Variants in LRRC4C observed in about 807,000 individuals in gnomAD.
LRRC4C encodes leucine-rich repeat-containing protein 4C.
LRRC4C carries 5 observed loss-of-function variants against 33.6 expected under a neutral mutation model. The ratio of observed to expected loss-of-function variants is 0.15; its 90% confidence interval spans 0.08 to 0.31. LRRC4C has a LOEUF of 0.31. Ranked by LOEUF, LRRC4C falls within the 10% of genes least tolerant of loss-of-function variation. The probability of loss-of-function intolerance (pLI) is 1.00; values close to 1 mark genes in which losing one functional copy is unlikely to be tolerated. For missense variants in LRRC4C, 560 were observed against 796.7 expected (o/e 0.70, Z 3.58); for synonymous variants, 329 against 302.0 (o/e 1.09, Z -0.93).
Position 40,220,682 on chromosome 11 carries a change from T to C in LRRC4C, c.-96+20837A>G, listed in dbSNP as rs537752716. 3.3e-4 allele frequency among the ~76,000 whole-genome samples: 51 copies of C among 152,262 alleles called. 1 individual carries two copies. In the South Asian group the frequency reaches 0.011, roughly 32 times the overall value. ...GCTAATAAATTCATTTTTTTAACTT[T>C]TGAAGACCTGAGTTTTTAAAATAAT... On this transcript the variant is annotated intron_variant, in intron 5 of 6. Transcript: ENST00000528697.
At chr11:41,309,361 TGAA>T (rs1402601062) in intron 1 of LRRC4C, among the ~76,000 whole-genome samples, 1 of 152,196 alleles carries the variant, frequency 6.6e-6, no homozygotes, top group East Asian at 1.9e-4. Context: ...CTGAGGATGG[TGAA>T]GAAGATAGCA....
Position 40,926,293 on chromosome 11 carries a change from C to A in LRRC4C, c.-407+7342G>T, listed in dbSNP as rs2136414494. Reference sequence around the variant, plus strand: ...CCATGTTGTACATGATGTCCTCCTCCCTAATTTGTGCTCAGTAGACATGAT... The same window carrying A: ...CCATGTTGTACATGATGTCCTCCTCACTAATTTGTGCTCAGTAGACATGAT... On this transcript the variant is annotated intron_variant, in intron 2 of 6. Coordinates refer to ENST00000528697, the MANE Select transcript of LRRC4C (RefSeq NM_001258419.2). Among the ~76,000 whole-genome samples, 5 of 152,140 alleles carry A rather than the reference C, an allele frequency of 3.3e-5. 1 individual carries two copies. In the Middle Eastern group the frequency reaches 0.01, roughly 310 times the overall value.
intron 1 of LRRC4C, among the ~76,000 whole-genome samples, chr11:41,351,347 A>G (rs1485391673): frequency 1.3e-5 from 2 of 152,190 alleles, no homozygotes; most frequent in South Asian, 2.1e-4. Flanking sequence ...GGAATTATAT[A>G]AAGACCAAAC....
intron 5 of LRRC4C, among the ~76,000 whole-genome samples, chr11:40,208,923 C>A (rs1863363110): frequency 6.7e-6 from 1 of 149,418 alleles, no homozygotes; most frequent in Non-Finnish European, 1.5e-5. Context: ...GTCAAATGCT[C>A]CAAATCAGGG....
At chr11:40,150,001 GA>G (rs1209847313) in intron 5 of LRRC4C, among the ~76,000 whole-genome samples, 3 of 152,168 alleles carry the variant, frequency 2.0e-5, no homozygotes, top group African/African-American at 7.2e-5. Flanking sequence ...GTCTGAAACT[GA>G]GATGCTGCCA....
At chr11:40,629,878 C>T (rs1320157677) in intron 3 of LRRC4C, among the ~76,000 whole-genome samples, 2 of 152,050 alleles carry the variant, frequency 1.3e-5, no homozygotes, top group Admixed American at 1.3e-4. Flanking sequence ...CATGGACATA[C>T]AGATAGATAT....
At chr11:40,754,951 T>C (rs1948873701) in intron 2 of LRRC4C, among the ~76,000 whole-genome samples, 1 of 152,112 alleles carries the variant, frequency 6.6e-6, no homozygotes, top group Non-Finnish European at 1.5e-5. Flanking sequence ...GTCCTTTCTT[T>C]AGGAAAATCT....
intron 1 of LRRC4C, among the ~76,000 whole-genome samples, chr11:41,369,635 T>C (rs1952671195): frequency 6.6e-6 from 1 of 152,032 alleles, no homozygotes; most frequent in Non-Finnish European, 1.5e-5. Flanking sequence ...AAAAGTACAT[T>C]AGTTTTGAGT....
At chr11:40,281,860 TC>T (rs1164603888) in intron 4 of LRRC4C, among the ~76,000 whole-genome samples, 1 of 152,142 alleles carries the variant, frequency 6.6e-6, no homozygotes, top group Non-Finnish European at 1.5e-5. Flanking sequence ...TTTTTAAAAA[TC>T]TGTGGACCCC....
intron 1 of LRRC4C, among the ~76,000 whole-genome samples, chr11:41,187,244 T>C (rs939848828): frequency 6.6e-6 from 1 of 152,128 alleles, no homozygotes; most frequent in African/African-American, 2.4e-5. Flanking sequence ...CAAGACCACC[T>C]TGGCCCACCA....
chr11:40,453,617 G>GAAAAAAA (rs149112559), intron 3 of LRRC4C, among the ~76,000 whole-genome samples: 1,783 of 143,694 alleles, frequency 0.012, 28 homozygotes, highest in African/African-American at 0.039. Flanking sequence ...GGCATTCTAA[G>GAAAAAAA]AAAAAAAAAA....
intron 4 of LRRC4C, among the ~76,000 whole-genome samples, chr11:40,269,090 G>T (rs1276477505): frequency 6.6e-6 from 1 of 152,148 alleles, no homozygotes; most frequent in Non-Finnish European, 1.5e-5. Flanking sequence ...TATTTTGAAT[G>T]TATTTAAAAT....
At chr11:40,898,321 C>G (rs548661008) in intron 2 of LRRC4C, among the ~76,000 whole-genome samples, 1 of 111,646 alleles carries the variant, frequency 9.0e-6, no homozygotes, top group South Asian at 3.2e-4. Flanking sequence ...ACCATTGTAC[C>G]CAGCCTGGGC....
chr11:40,634,506 A>G (rs1054945431), intron 3 of LRRC4C, among the ~76,000 whole-genome samples: 3 of 152,180 alleles, frequency 2.0e-5, no homozygotes, highest in Non-Finnish European at 4.4e-5. Flanking sequence ...CACGTGCAGT[A>G]AAATGCTACT....
intron 2 of LRRC4C, among the ~76,000 whole-genome samples, chr11:40,744,060 G>A (rs1407117922): frequency 6.6e-6 from 1 of 152,048 alleles, no homozygotes; most frequent in African/African-American, 2.4e-5. Context: ...AGATTCTTAT[G>A]TATGTACATT....
intron 1 of LRRC4C, among the ~76,000 whole-genome samples, chr11:41,288,424 G>A (rs1447118): frequency 0.79 from 120,575 of 151,996 alleles, 48,423 homozygotes; most frequent in Admixed American, 0.86. Flanking sequence ...GAGAGAGAGT[G>A]TATGAGACTC....
rs533192498 is a variant in LRRC4C at position 40,511,143 on chromosome 11, G to A, written c.-270+136999C>T. On this transcript the variant is annotated intron_variant, in intron 3 of 6. Coordinates refer to ENST00000528697, the MANE Select transcript of LRRC4C (RefSeq NM_001258419.2). ...GCATCTTACCACAGCAACCTCAAAT[G>A]GGAGAAGTACAGGATATTTTGTCTA... Among the ~76,000 whole-genome samples the A allele has an allele frequency of 1.7e-4, 26 of 152,214 alleles. No individual in the cohort carries two copies. In the East Asian group the frequency reaches 5.0e-3, roughly 29 times the overall value.
chr11:41,279,848 G>A (rs530797153), intron 1 of LRRC4C, among the ~76,000 whole-genome samples: 22 of 151,624 alleles, frequency 1.5e-4, no homozygotes, highest in African/African-American at 5.3e-4. Flanking sequence ...AATGTGGCTG[G>A]CCACATTTAT....
chr11:40,467,769 G>T (rs1191097266), intron 3 of LRRC4C, among the ~76,000 whole-genome samples: 1 of 152,312 alleles, frequency 6.6e-6, no homozygotes, highest in East Asian at 1.9e-4. Context: ...ATCTCTTGGA[G>T]CAATATGCTC....
Sources: allele counts gnomAD v4.1 joint callset (sites outside exome capture counted in the v4.1 genomes callset), GRCh38; gene constraint gnomAD v4.1.1; transcripts MANE v1.5; gene names NCBI Gene and HGNC (gene_info 2026-07-23, HGNC 2026-07-21).